The following EGFLAM variants were observed in gnomAD, a reference collection of about 807,000 sequenced individuals.
EGFLAM encodes EGF like, fibronectin type III and laminin G domains, also known as pikachurin.
In EGFLAM, 79 loss-of-function variants were observed where a neutral mutation model predicts 113.1. The ratio of observed to expected loss-of-function variants is 0.70; its 90% CI spans 0.58 to 0.84. EGFLAM has a LOEUF of 0.84. Ranked by LOEUF, EGFLAM falls within the 40% of genes least tolerant of loss-of-function variation. EGFLAM has a pLI of 0.00. For missense variants in EGFLAM, 1,265 were observed against 1,291.6 expected, an observed-to-expected ratio of 0.98 and a Z score of 0.32; for synonymous variants, 504 against 487.6, an observed-to-expected ratio of 1.03 and a Z score of -0.44.
At chr5:38,391,500 G>T (rs1740810464) in intron 6 of EGFLAM, among the ~76,000 whole-genome samples, 1 of 151,884 alleles carries the variant, frequency 6.6e-6, no homozygotes, top group South Asian at 2.1e-4. Flanking sequence ...CTGGGTTCAA[G>T]TGATTCTCCT....
intron 15 of EGFLAM, among the ~76,000 whole-genome samples, chr5:38,432,743 C>A (rs1742226089): frequency 1.3e-5 from 2 of 152,102 alleles, no homozygotes; most frequent in African/African-American, 4.8e-5. Flanking sequence ...GAACATTTGT[C>A]AAAAGTAGGG....
intron 20 of EGFLAM, among the ~76,000 whole-genome samples, chr5:38,459,789 C>CA (rs1263481091): frequency 2.4e-3 from 1 of 412 alleles, no homozygotes; most frequent in East Asian, 0.042. Flanking sequence ...GCTGGGCCCC[C>CA]AACCCTGGCT....
intron 1 of EGFLAM, among the ~76,000 whole-genome samples, chr5:38,300,573 A>G (rs1758552028): frequency 1.3e-5 from 2 of 151,984 alleles, no homozygotes. Context: ...ACGAGCTTTC[A>G]CCATGTTGGC....
intron 1 of EGFLAM, chr5:38,286,003 T>C (rs943540981): frequency 2.6e-5 from 4 of 152,204 alleles, no homozygotes; most frequent in African/African-American, 7.2e-5. Flanking sequence ...TTCCAACTGA[T>C]GAAATTCTTT....
intron 3 of EGFLAM, among the ~76,000 whole-genome samples, chr5:38,347,808 A>G (rs1739513106): frequency 6.6e-6 from 1 of 152,198 alleles, no homozygotes; most frequent in African/African-American, 2.4e-5. Context: ...GATAAGTAGT[A>G]TAGCACTGTG....
intron 17 of EGFLAM, among the ~76,000 whole-genome samples, chr5:38,442,119 T>C (rs1742555542): frequency 6.6e-6 from 1 of 152,092 alleles, no homozygotes; most frequent in Non-Finnish European, 1.5e-5. Context: ...ATTTGGGTGA[T>C]TTTGTTTGTT....
At position 38,438,279 on chromosome 5, in the gene EGFLAM, T is replaced by A; in HGVS notation, c.2288T>A (p.Ile763Asn). The A allele has an allele frequency of 5.0e-6, 8 of 1,612,354 alleles. No individual in the cohort carries two copies. The highest frequency in any genetic ancestry group is 6.8e-6 in the Non-Finnish European group (8 of 1,179,020). The stretch of plus-strand genomic sequence containing the variant: ...TTTATGTTTTTCTCTCTCAAGATCA[T>A]CCTGAATGACCGAACCATCCATGTG... ...KPFSGSIQKI[I>N]LNDRTIHVKH... Residue 763 changes from isoleucine to asparagine, a missense_variant, in exon 17 of 22, where the codon ATC becomes AAC. By Grantham distance (149) the Ile-to-Asn change is moderately radical (BLOSUM62 -3). Transcript: ENST00000322350.
At chr5:38,452,020 C>A (rs1420911843) in intron 19 of EGFLAM, among the ~76,000 whole-genome samples, 3 of 143,918 alleles carry the variant, frequency 2.1e-5, no homozygotes, top group Non-Finnish European at 4.5e-5. Flanking sequence ...AAGAGTACAG[C>A]AGTATTCCAA....
chr5:38,400,673 A>T (rs1741086573), intron 6 of EGFLAM, among the ~76,000 whole-genome samples: 1 of 152,160 alleles, frequency 6.6e-6, no homozygotes, highest in African/African-American at 2.4e-5. Flanking sequence ...CTCTGTGCTC[A>T]TTTCCTTCTT....
intron 5 of EGFLAM, among the ~76,000 whole-genome samples, chr5:38,364,193 G>A (rs2112019656): frequency 6.6e-6 from 1 of 152,258 alleles, no homozygotes; most frequent in Admixed American, 6.5e-5. Flanking sequence ...AGAGATTTAG[G>A]GATGAATAAA....
rs577117528 is a variant in EGFLAM, at chr5:38,431,639, G to C, written c.2166+351G>C. 2.0e-5 allele frequency among the ~76,000 whole-genome samples: 3 copies of C among 152,184 alleles called. No individual in the cohort carries two copies. The East Asian group carries it at 5.8e-4, about 29-fold the overall frequency. On this transcript the variant is annotated intron_variant, in intron 15 of 21. Coordinates refer to ENST00000322350, the MANE Select transcript of EGFLAM (RefSeq NM_152403.4). ...GAACATGGACTCTGGGGTAGGGCCT[G>C]TGGTGCATGGGGGAGGCCTGACAAG...
At chr5:38,372,905 G>A (rs1190404401) in intron 6 of EGFLAM, among the ~76,000 whole-genome samples, 2 of 151,682 alleles carry the variant, frequency 1.3e-5, no homozygotes, top group East Asian at 3.9e-4. Context: ...TTTTTATTTT[G>A]GTATTGGTTT....
chr5:38,411,483 C>CTTTTTT (rs759299989), intron 10 of EGFLAM, among the ~76,000 whole-genome samples: 1 of 113,416 alleles, frequency 8.8e-6, no homozygotes, highest in Non-Finnish European at 1.7e-5. Flanking sequence ...TCATTAATTT[C>CTTTTTT]TTTTTTTTTT....
intron 1 of EGFLAM, among the ~76,000 whole-genome samples, chr5:38,272,640 C>A (rs1757791702): frequency 6.6e-6 from 1 of 152,102 alleles, no homozygotes; most frequent in South Asian, 2.1e-4. Context: ...AAGGATTTTT[C>A]ATTCTTTGTT....
At chr5:38,424,182 A>G (rs980440945) in intron 12 of EGFLAM, among the ~76,000 whole-genome samples, 1 of 152,240 alleles carries the variant, frequency 6.6e-6, no homozygotes, top group African/African-American at 2.4e-5. Context: ...AAGCAGAAGA[A>G]AAACAGCCCA....
Position 38,407,797 on chromosome 5 carries a change from T to C in EGFLAM, c.1148-8T>C. 2 of 1,598,328 alleles carry C rather than the reference T, an allele frequency of 1.3e-6. No individual in the cohort carries two copies. ...GCATTCTTTTGTGTTGTCTTTTTTCTTCTTCAGATATTGTTATCCAGTATC... is the reference window on the plus strand; with the variant it reads ...GCATTCTTTTGTGTTGTCTTTTTTCCTCTTCAGATATTGTTATCCAGTATC... On this transcript the variant is annotated splice_region_variant and splice_polypyrimidine_tract_variant and intron_variant, in intron 8 of 21. Transcript: ENST00000322350.
chr5:38,382,623 T>G (rs948530622), intron 6 of EGFLAM, among the ~76,000 whole-genome samples: 7 of 152,208 alleles, frequency 4.6e-5, no homozygotes, highest in African/African-American at 1.7e-4. Flanking sequence ...TTTCACAAAT[T>G]TAACCAATAG....
intron 1 of EGFLAM, among the ~76,000 whole-genome samples, chr5:38,261,695 C>G (rs191323394): frequency 6.6e-6 from 1 of 152,148 alleles, no homozygotes; most frequent in Non-Finnish European, 1.5e-5. Flanking sequence ...GGGGATCCTG[C>G]GTTGCTCTTA....
intron 1 of EGFLAM, among the ~76,000 whole-genome samples, chr5:38,269,795 A>G (rs1208353189): frequency 6.6e-6 from 1 of 152,112 alleles, no homozygotes; most frequent in Admixed American, 6.5e-5. Context: ...GGCCTGAAAC[A>G]CTGCACTTTT....
Sources: allele counts gnomAD v4.1 joint callset (sites outside exome capture counted in the v4.1 genomes callset), GRCh38; gene constraint gnomAD v4.1.1; transcripts MANE v1.5; gene names NCBI Gene and HGNC (gene_info 2026-07-23, HGNC 2026-07-21).